The following COL6A6 variants were observed in gnomAD, a reference collection of about 807,000 sequenced individuals.
The protein encoded by COL6A6 is collagen alpha-6(VI) chain.
In COL6A6, 183 loss-of-function variants were observed where a neutral mutation model predicts 208.6. The ratio of observed to expected loss-of-function variants is 0.88; its 90% CI spans 0.78 to 0.99. COL6A6 has a LOEUF of 0.99. Ranked by LOEUF, COL6A6 falls within the 50% of genes least tolerant of loss-of-function variation. COL6A6 has a pLI of 0.00. For missense variants in COL6A6, 2,816 were observed against 2,815.2 expected (o/e 1.00, Z -0.01); for synonymous variants, 973 against 1,011.8 (o/e 0.96, Z 0.73).
intron 2 of COL6A6, 108 bp from the exon 3 acceptor site, chr3:130,562,960 T>C (rs1380402863): frequency 7.9e-6 from 6 of 756,800 alleles, no homozygotes; most frequent in African/African-American, 1.7e-5. Flanking sequence ...ATTGGGAAGG[T>C]ATTTTAAAAA....
chr3:130,549,137 C>A (rs564881610), intron 1 of COL6A6, among the ~76,000 whole-genome samples: 7 of 152,236 alleles, frequency 4.6e-5, no homozygotes, highest in African/African-American at 1.7e-4. Flanking sequence ...TTCTGGGATT[C>A]ATGTTTTCGC....
intron 35 of COL6A6, among the ~76,000 whole-genome samples, chr3:130,663,374 C>T (rs2065986939): frequency 6.6e-6 from 1 of 152,016 alleles, no homozygotes; most frequent in African/African-American, 2.4e-5. Flanking sequence ...TATAAAGATC[C>T]CCAGGTGACT....
intron 31 of COL6A6, among the ~76,000 whole-genome samples, 168 bp downstream of exon 31, chr3:130,643,191 G>C (rs182202991): frequency 4.6e-5 from 7 of 152,248 alleles, no homozygotes; most frequent in Admixed American, 4.6e-4. Context: ...TCCCTCTCTG[G>C]TTGCTATCAT....
chr3:130,566,190 A>G (rs1390442070), intron 4 of COL6A6, among the ~76,000 whole-genome samples: 1 of 152,218 alleles, frequency 6.6e-6, no homozygotes, highest in East Asian at 1.9e-4. Context: ...ATAGATGTGT[A>G]TATTCTTCCA....
At position 130,675,354 on chromosome 3, in the gene COL6A6, A is replaced by G. The variant is rs767731932; in HGVS notation, c.6749A>G (p.Lys2250Arg). The change falls in exon 37 of 37, where the codon AAG becomes AGG. Residue 2250 changes from lysine (K) to arginine (R), a missense_variant. Lys to Arg is a conservative substitution (Grantham distance 26). Transcript: ENST00000358511. Reference protein sequence around the residue: ...NFMRSTSHTFKNGRMIESAPK... With the variant: ...NFMRSTSHTFRNGRMIESAPK... ...ATGAGAAGCACCTCCCATACCTTTA[A>G]GAATGGAAGGATGATAGAAAGTGCT... The G allele has an allele frequency of 7.5e-6, 12 of 1,599,878 alleles. No individual in the cohort carries two copies. In the Admixed American group the frequency reaches 2.1e-4, roughly 28 times the overall value.
chr3:130,634,897 C>T (rs1199402633), intron 27 of COL6A6, among the ~76,000 whole-genome samples: 4 of 152,002 alleles, frequency 2.6e-5, no homozygotes, highest in East Asian at 3.8e-4. Flanking sequence ...CTCAAATTTA[C>T]TCCTTCCCTC....
At chr3:130,546,798 G>A (rs934269421) in intron 1 of COL6A6, among the ~76,000 whole-genome samples, 2 of 151,500 alleles carry the variant, frequency 1.3e-5, no homozygotes, top group African/African-American at 2.4e-5. Flanking sequence ...GCTAGACACA[G>A]AGTGCTGATT....
intron 1 of COL6A6, among the ~76,000 whole-genome samples, chr3:130,542,355 T>C (rs1026009622): frequency 6.6e-6 from 1 of 152,178 alleles, no homozygotes; most frequent in Non-Finnish European, 1.5e-5. Flanking sequence ...TTTTTTGTTA[T>C]TTCTAGTTTA....
In COL6A6 at chr3:130,608,938, G is replaced by T; in HGVS notation, c.4726G>T (p.Gly1576Cys). 6.2e-7 allele frequency: 1 copy of T among 1,613,420 alleles called. No individual in the cohort carries two copies. Among genetic ancestry groups the T allele is most frequent in the South Asian group, 1.1e-5 (1 of 91,038 alleles). The change falls in exon 22 of 37, where the codon GGC becomes TGC. Residue 1576 changes from glycine to cysteine, a missense_variant. Coordinates refer to ENST00000358511, the MANE Select transcript of COL6A6 (RefSeq NM_001102608.3). ...AGIPGPDGLE[G>C]SLGLKGPQGP... ...CATCCCAGGACCAGATGGACTTGAA[G>T]GCTCCCTGGGACTTAAGGGCCCTCA... is the stretch of plus-strand genomic sequence containing the variant.
In COL6A6 at chr3:130,593,093, A is replaced by T. The variant is rs768840766; in HGVS notation, c.4404A>T (p.Leu1468Phe). The change falls in exon 16 of 37, where the codon TTA becomes TTT. Residue 1468 changes from leucine to phenylalanine, a missense_variant. By Grantham distance (22) the Leu-to-Phe change is conservative. Transcript: ENST00000358511. ...GEVGENGIDG[L>F]NGEQGDNGLP... ...TTGGGGAAAATGGAATTGACGGATT[A>T]AACGGAGAACAGGTAGAGCCTTCTT... 1 of 1,613,722 alleles carries T rather than the reference A, an allele frequency of 6.2e-7. No individual in the cohort carries two copies. Among genetic ancestry groups the T allele is most frequent in the South Asian group, 1.1e-5 (1 of 91,074 alleles).
At chr3:130,605,905 A>G (rs1468051159) in intron 20 of COL6A6, among the ~76,000 whole-genome samples, 1 of 152,218 alleles carries the variant, frequency 6.6e-6, no homozygotes, top group Admixed American at 6.5e-5. Context: ...ATCAGATCTC[A>G]TGAGACTTAT....
chr3:130,644,011 T>C (rs1223979303), intron 31 of COL6A6, among the ~76,000 whole-genome samples: 1 of 152,164 alleles, frequency 6.6e-6, no homozygotes, highest in African/African-American at 2.4e-5. Context: ...ACCATGTAAA[T>C]TGTAATGACT....
chr3:130,560,385 C>T lies in COL6A6; in HGVS notation c.21C>T (p.Phe7=). Residue 7 remains phenylalanine (F), a synonymous_variant, in exon 2 of 37, where the codon TTC becomes TTT. Coordinates refer to ENST00000358511, the MANE Select transcript of COL6A6 (RefSeq NM_001102608.3). ...ATAATATGATGTTGCTAATTTTGTTCCTCGTGATAATTTGTTCCCATATTT... is the reference window on the plus strand; with the variant it reads ...ATAATATGATGTTGCTAATTTTGTTTCTCGTGATAATTTGTTCCCATATTT... MMLLIL[F]LVIICSHISV... 1 of 1,610,930 alleles carries T rather than the reference C, an allele frequency of 6.2e-7. No individual in the cohort carries two copies. The highest frequency in any genetic ancestry group is 8.5e-7 in the Non-Finnish European group (1 of 1,178,694).
rs373693607 is a variant in COL6A6 at position 130,628,733 on chromosome 3, C to CA, written c.4992+1364_4992+1365insA. On this transcript the variant is annotated intron_variant, in intron 26 of 36. Coordinates refer to ENST00000358511, the MANE Select transcript of COL6A6 (RefSeq NM_001102608.3). ...AATGAAATCCATTTTAAGATCGTGT[C>CA]GAAGATGGCCGAATAGGAACAGCTC... Among the ~76,000 whole-genome samples the CA allele has an allele frequency of 3.0e-4, 37 of 121,654 alleles. 4 individuals carry two copies. The South Asian group carries it at 5.3e-3, about 17-fold the overall frequency. 79.8% of individuals were successfully genotyped at this position (121,654 alleles called of 152,430 possible). A position where few individuals can be genotyped will look rare whatever the true frequency, so the allele number is the denominator to read the frequency against.
chr3:130,577,318 C>T (rs2063321209), intron 8 of COL6A6, among the ~76,000 whole-genome samples: 2 of 152,150 alleles, frequency 1.3e-5, no homozygotes, highest in Admixed American at 6.5e-5. Flanking sequence ...GTCTGTTCCT[C>T]TCACCACCCC....
At chr3:130,594,389 C>T (rs533849267) in intron 18 of COL6A6, 46 bp downstream of exon 18, 23 of 1,456,356 alleles carry the variant, frequency 1.6e-5, no homozygotes, top group East Asian at 6.8e-5. Flanking sequence ...GATTCCCATC[C>T]GTACTTCTGA....
At chr3:130,616,212 A>G (rs531319219) in intron 23 of COL6A6, among the ~76,000 whole-genome samples, 16 of 151,494 alleles carry the variant, frequency 1.1e-4, no homozygotes, top group Admixed American at 2.0e-4. Flanking sequence ...ATTCCCTGCC[A>G]TAGGTTTCAT....
chr3:130,542,943 G>A lies in COL6A6; in HGVS notation c.-31-17391G>A, dbSNP rs527291257. Among the ~76,000 whole-genome samples, 24 of 122,664 alleles carry A rather than the reference G, an allele frequency of 2.0e-4. 2 individuals are homozygous for A. In the South Asian group the frequency reaches 6.2e-3, roughly 32 times the overall value. The allele number at this position is 122,664 out of a possible 152,430, so 80.5% of individuals were successfully genotyped here. ...TTTTTTTAGATAGGAGTCTTGCTCT[G>A]TCACCAGGTTGGAGTGCAATGGCAC... On this transcript the variant is annotated intron_variant, in intron 1 of 36. Coordinates refer to ENST00000358511, the MANE Select transcript of COL6A6 (RefSeq NM_001102608.3).
intron 28 of COL6A6, among the ~76,000 whole-genome samples, chr3:130,638,811 T>G (rs2065228775): frequency 6.6e-6 from 1 of 152,246 alleles, no homozygotes; most frequent in Non-Finnish European, 1.5e-5. Flanking sequence ...AAAGCCATTC[T>G]GATTCCTGAT....
Sources: gnomAD v4.1 joint callset for allele counts (sites outside exome capture counted in the v4.1 genomes callset) on GRCh38, gnomAD v4.1.1 for gene constraint, MANE v1.5 for transcripts, NCBI Gene and HGNC (gene_info 2026-07-23, HGNC 2026-07-21) for gene names.